The following TMEM131 variants were observed in gnomAD, a reference collection of about 807,000 sequenced individuals.
The protein encoded by TMEM131 is transmembrane protein 131.
A neutral mutation model predicts 211.6 loss-of-function variants in TMEM131; 66 were observed. The observed-to-expected ratio is 0.31, with a 90% CI of 0.26 to 0.38. The LOEUF is 0.38. Among genes scored for constraint, TMEM131 ranks in the 10% least tolerant of loss-of-function variants. The probability of loss-of-function intolerance (pLI) is 1.00; values close to 1 mark genes in which losing one functional copy is unlikely to be tolerated. For missense variants in TMEM131, 2,036 were observed against 2,299.3 expected, an observed-to-expected ratio of 0.89 and a Z score of 2.34; for synonymous variants, 844 against 841.3, an observed-to-expected ratio of 1.00 and a Z score of -0.06.
chr2:97,987,313 C>T (rs1680069214), intron 1 of TMEM131, among the ~76,000 whole-genome samples: 1 of 152,120 alleles, frequency 6.6e-6, no homozygotes, highest in Non-Finnish European at 1.5e-5. Context: ...GAGATCGAGA[C>T]CATCCTGGCC....
chr2:97,908,990 C>T (rs1301594576), intron 2 of TMEM131, among the ~76,000 whole-genome samples: 1 of 152,118 alleles, frequency 6.6e-6, no homozygotes, highest in Admixed American at 6.6e-5. Flanking sequence ...CGGACTGTTC[C>T]CTGCTCACTA....
intron 4 of TMEM131, among the ~76,000 whole-genome samples, chr2:97,879,026 A>G (rs1236673037): frequency 6.6e-6 from 1 of 152,120 alleles, no homozygotes; most frequent in African/African-American, 2.4e-5. Context: ...AACAGTCTTG[A>G]TATCTGAACC....
chr2:97,804,037 T>A (rs1029827070), intron 22 of TMEM131, among the ~76,000 whole-genome samples: 1 of 151,302 alleles, frequency 6.6e-6, no homozygotes, highest in Non-Finnish European at 1.5e-5. Context: ...TAGCAGAGAG[T>A]TCAGATAAAC....
At chr2:97,829,915 A>G (rs563429344) in intron 11 of TMEM131, among the ~76,000 whole-genome samples, 1 of 152,336 alleles carries the variant, frequency 6.6e-6, no homozygotes, top group East Asian at 1.9e-4. Flanking sequence ...TAGCAAAGCA[A>G]GGATGTTTGT....
intron 1 of TMEM131, among the ~76,000 whole-genome samples, chr2:97,944,510 A>G (rs1677943277): frequency 6.6e-6 from 1 of 152,232 alleles, no homozygotes; most frequent in African/African-American, 2.4e-5. Flanking sequence ...AAAGGGCACT[A>G]TCAATAAAGT....
intron 7 of TMEM131, among the ~76,000 whole-genome samples, chr2:97,838,724 T>C (rs1683054716): frequency 6.6e-6 from 1 of 152,190 alleles, no homozygotes; most frequent in Non-Finnish European, 1.5e-5. Flanking sequence ...ATTACAGGCA[T>C]GAGCCACTGC....
chr2:97,866,507 T>C (rs1042581320), intron 4 of TMEM131, among the ~76,000 whole-genome samples: 3 of 152,250 alleles, frequency 2.0e-5, no homozygotes, highest in African/African-American at 7.2e-5. Context: ...GATTTTGTTA[T>C]GTTTTTCTAT....
chr2:97,944,555 GC>G (rs1677945410), intron 1 of TMEM131, among the ~76,000 whole-genome samples: 1 of 152,090 alleles, frequency 6.6e-6, no homozygotes, highest in Admixed American at 6.5e-5. Context: ...GAAAATTTCT[GC>G]AAATGATGTA....
chr2:97,926,323 A>G (rs1437239841), intron 2 of TMEM131, among the ~76,000 whole-genome samples: 3 of 152,188 alleles, frequency 2.0e-5, no homozygotes, highest in Non-Finnish European at 1.5e-5. Flanking sequence ...TTTCTGTTCT[A>G]ATCATAGCAT....
intron 3 of TMEM131, among the ~76,000 whole-genome samples, chr2:97,888,438 T>C (rs1346501387): frequency 6.6e-6 from 1 of 152,264 alleles, no homozygotes; most frequent in Non-Finnish European, 1.5e-5. Context: ...TTGGATTTTC[T>C]GATACATGTA....
intron 11 of TMEM131, among the ~76,000 whole-genome samples, chr2:97,831,552 A>T (rs1682689657): frequency 6.6e-6 from 1 of 152,142 alleles, no homozygotes; most frequent in South Asian, 2.1e-4. Flanking sequence ...GTATTATATT[A>T]ACAGATATAT....
At chr2:97,885,358 AT>A (rs369532617) in intron 4 of TMEM131, among the ~76,000 whole-genome samples, 4,078 of 149,644 alleles carry the variant, frequency 0.027, 66 homozygotes, top group Middle Eastern at 0.066. Flanking sequence ...CGCCCAGCTA[AT>A]TTTTTTTTGT....
intron 4 of TMEM131, among the ~76,000 whole-genome samples, chr2:97,879,103 AGTTTCCAC>A (rs1366789539): frequency 6.6e-6 from 1 of 152,342 alleles, no homozygotes; most frequent in East Asian, 1.9e-4. Context: ...GAGAGAAGGC[AGTTTCCAC>A]CCCTGCTAGT....
At chr2:97,940,595 T>G (rs1034231147) in intron 1 of TMEM131, among the ~76,000 whole-genome samples, 8 of 151,970 alleles carry the variant, frequency 5.3e-5, no homozygotes, top group Admixed American at 4.6e-4. Flanking sequence ...GATCACGAGG[T>G]CAGGAGATCG....
At chr2:97,970,973 G>A (rs992576514) in intron 1 of TMEM131, among the ~76,000 whole-genome samples, 2 of 152,148 alleles carry the variant, frequency 1.3e-5, no homozygotes, top group Non-Finnish European at 2.9e-5. Flanking sequence ...GGTGGGGGGA[G>A]TATAAAGAAT....
intron 33 of TMEM131, among the ~76,000 whole-genome samples, chr2:97,770,348 A>G (rs1423870265): frequency 1.3e-5 from 2 of 152,248 alleles, no homozygotes; most frequent in Non-Finnish European, 2.9e-5. Flanking sequence ...TAAAGAGATC[A>G]GATAAAGGAG....
rs149034361 is a variant in TMEM131 at position 97,784,801 on chromosome 2, T to C, written c.4144+7585A>G. 6.3e-3 allele frequency among the ~76,000 whole-genome samples: 952 copies of C among 152,030 alleles called. 14 individuals are homozygous for C. The highest frequency in any genetic ancestry group is 0.02 in the African/African-American group (830 of 41,480). ...CAGATAAGCAACGGAGAAAAATCAA[T>C]GAAACACAAAGCTGTTCTTTGATTA... On this transcript the variant is annotated intron_variant, in intron 31 of 40. Coordinates refer to ENST00000186436, the MANE Select transcript of TMEM131 (RefSeq NM_015348.2).
intron 2 of TMEM131, among the ~76,000 whole-genome samples, chr2:97,926,773 A>C (rs1677009625): frequency 1.3e-5 from 2 of 152,162 alleles, no homozygotes; most frequent in Admixed American, 1.3e-4. Flanking sequence ...CAAAAATACA[A>C]ATCATGCTCC....
At chr2:97,933,809 A>C (rs1436299299) in intron 1 of TMEM131, among the ~76,000 whole-genome samples, 2 of 152,178 alleles carry the variant, frequency 1.3e-5, no homozygotes, top group African/African-American at 4.8e-5. Context: ...ACATGATCAT[A>C]TCAACTGACA....
Sources: gnomAD v4.1 joint callset for allele counts (sites outside exome capture counted in the v4.1 genomes callset) on GRCh38, gnomAD v4.1.1 for gene constraint, MANE v1.5 for transcripts, NCBI Gene and HGNC (gene_info 2026-07-23, HGNC 2026-07-21) for gene names.